PAFAH1B1: variants seen among roughly 807,000 people sequenced by gnomAD.
The protein encoded by PAFAH1B1 is platelet activating factor acetylhydrolase 1b regulatory subunit 1.
PAFAH1B1 carries 2 observed loss-of-function variants against 57.5 expected under a neutral mutation model. The observed-to-expected ratio is 0.03, with a 90% CI of 0.01 to 0.11. The LOEUF (loss-of-function observed/expected upper bound fraction) is 0.11, where lower values mean the gene tolerates loss of function less well. Among genes scored for constraint, PAFAH1B1 ranks in the 10% least tolerant of loss-of-function variants. The probability of loss-of-function intolerance (pLI) is 1.00; values close to 1 mark genes in which losing one functional copy is unlikely to be tolerated. For synonymous variants in PAFAH1B1, 152 were observed against 169.6 expected, an observed-to-expected ratio of 0.90 and a Z score of 0.81; for missense variants, 257 against 512.0, an observed-to-expected ratio of 0.50 and a Z score of 4.81.
chr17:2,680,086 A>C, intron 9 of PAFAH1B1, 78 bp from the exon 10 acceptor site: 1 of 1,253,664 alleles, frequency 8.0e-7, no homozygotes, highest in Non-Finnish European at 1.2e-6. Flanking sequence ...TGGTATGTAT[A>C]GTTTTATCGT....
intron 1 of PAFAH1B1, among the ~76,000 whole-genome samples, chr17:2,611,334 TG>T (rs1280678057): frequency 6.6e-6 from 1 of 151,732 alleles, no homozygotes; most frequent in Admixed American, 6.6e-5. Context: ...CGAGCATGGT[TG>T]TGTGCGCCTG....
In PAFAH1B1 at chr17:2,676,519, T is replaced by G. The variant is rs775210372; in HGVS notation, c.915T>G (p.Gly305=). ...EATGSETKKS[G]KPGPFLLSGS... is the part of the protein sequence containing the mutation. ...GTTTTCTGTAGACTAAAAAAAGTGG[T>G]AAACCTGGGCCATTCTTGCTGTCTG... Residue 305 remains glycine (G), a synonymous_variant, in exon 9 of 11, where the codon GGT becomes GGG. Coordinates refer to ENST00000397195, the MANE Select transcript of PAFAH1B1 (RefSeq NM_000430.4). The G allele has an allele frequency of 9.9e-6, 16 of 1,611,086 alleles. No homozygotes were observed. The highest frequency in any genetic ancestry group is 1.4e-5 in the Non-Finnish European group (16 of 1,177,666).
intron 1 of PAFAH1B1, among the ~76,000 whole-genome samples, chr17:2,636,115 G>GA (rs1170900781): frequency 1.3e-5 from 2 of 152,016 alleles, no homozygotes; most frequent in Non-Finnish European, 2.9e-5. Flanking sequence ...TCTCAAAAAA[G>GA]AAACAGTATG....
At chr17:2,672,211 G>A (rs1216484142) in intron 6 of PAFAH1B1, among the ~76,000 whole-genome samples, 1 of 137,700 alleles carries the variant, frequency 7.3e-6, no homozygotes, top group African/African-American at 2.7e-5. Flanking sequence ...TTGAGCCCAG[G>A]AGTTCAAGGC....
intron 6 of PAFAH1B1, among the ~76,000 whole-genome samples, chr17:2,671,461 C>G (rs1211258888): frequency 2.0e-5 from 3 of 152,000 alleles, no homozygotes; most frequent in Admixed American, 6.6e-5. Context: ...CCTCAGCCTC[C>G]CAAAGTGCTG....
Position 2,680,339 on chromosome 17 carries a change from G to C in PAFAH1B1, c.1159+19G>C. 6.2e-7 allele frequency: 1 copy of C among 1,611,320 alleles called. No homozygotes were observed. ...TCCTTGGGTATGTACGCCTCGCGAG[G>C]TCTCTGAACATTAGATTTTGGAGTG... On this transcript the variant is annotated intron_variant, in intron 10 of 10. Transcript: ENST00000397195.
chr17:2,618,448 A>C (rs1031315927), intron 1 of PAFAH1B1, among the ~76,000 whole-genome samples: 1 of 152,190 alleles, frequency 6.6e-6, no homozygotes, highest in Non-Finnish European at 1.5e-5. Flanking sequence ...GAAAGGAAAT[A>C]AAAAGATTGA....
intron 2 of PAFAH1B1, 104 bp downstream of exon 2, chr17:2,638,424 T>C: frequency 1.1e-6 from 1 of 895,672 alleles, no homozygotes; most frequent in Non-Finnish European, 1.8e-6. Context: ...TTAAAACTAT[T>C]TTTACCAGTG....
chr17:2,663,196 T>G (rs1327843392), intron 2 of PAFAH1B1, among the ~76,000 whole-genome samples: 3 of 152,032 alleles, frequency 2.0e-5, no homozygotes, highest in East Asian at 3.9e-4. Context: ...GAGAATGGTG[T>G]GAACCCAGGA....
At chr17:2,609,071 C>G (rs954643475) in intron 1 of PAFAH1B1, among the ~76,000 whole-genome samples, 4 of 152,222 alleles carry the variant, frequency 2.6e-5, no homozygotes, top group Non-Finnish European at 5.9e-5. Flanking sequence ...CATAAAGTCT[C>G]TATTTTCTGG....
At chr17:2,606,564 C>A (rs901076006) in intron 1 of PAFAH1B1, among the ~76,000 whole-genome samples, 1 of 151,784 alleles carries the variant, frequency 6.6e-6, no homozygotes, top group African/African-American at 2.4e-5. Flanking sequence ...GGTTTCACCA[C>A]GTTGGCCAGG....
rs571214671 is a variant in PAFAH1B1, at chr17:2,606,525, G to C, written c.-191+12519G>C. Among the ~76,000 whole-genome samples the C allele has an allele frequency of 4.0e-3, 612 of 152,070 alleles. 2 individuals are homozygous for C. The highest frequency in any genetic ancestry group is 0.013 in the African/African-American group (526 of 41,464). On this transcript the variant is annotated intron_variant, in intron 1 of 10. Transcript: ENST00000397195. Reference sequence around the variant, plus strand: ...TTATGGGTGCCTGCCACCAAGCCAAGCTAATTTTTGTATTTTTAGTAGAGA... The same window carrying C: ...TTATGGGTGCCTGCCACCAAGCCAACCTAATTTTTGTATTTTTAGTAGAGA...
At chr17:2,610,156 G>A (rs1453983691) in intron 1 of PAFAH1B1, among the ~76,000 whole-genome samples, 1 of 152,322 alleles carries the variant, frequency 6.6e-6, no homozygotes, top group East Asian at 1.9e-4. Context: ...CTTTGAAAAC[G>A]CAGTTCTATC....
intron 1 of PAFAH1B1, among the ~76,000 whole-genome samples, chr17:2,598,503 A>C (rs930116281): frequency 1.3e-5 from 2 of 151,780 alleles, no homozygotes; most frequent in Non-Finnish European, 2.9e-5. Context: ...CAGGTAACTT[A>C]TTTTTATGTG....
intron 2 of PAFAH1B1, among the ~76,000 whole-genome samples, chr17:2,650,815 G>A (rs1272470131): frequency 6.6e-6 from 1 of 152,052 alleles, no homozygotes; most frequent in Non-Finnish European, 1.5e-5. Flanking sequence ...TGTTCGGGGT[G>A]TTGCTACGTT....
At chr17:2,661,448 G>A (rs1284394094) in intron 2 of PAFAH1B1, among the ~76,000 whole-genome samples, 1 of 152,080 alleles carries the variant, frequency 6.6e-6, no homozygotes, top group Non-Finnish European at 1.5e-5. Context: ...TTTTTGTCAG[G>A]TTTGTTGAAG....
At chr17:2,593,185 A>C (rs927307407), upstream of PAFAH1B1, 14 of 150,988 alleles carry the variant, frequency 9.3e-5, no homozygotes, top group African/African-American at 3.4e-4. Flanking sequence ...TCCCCCCCAA[A>C]CTGGGAAATC....
chr17:2,664,872 C>T (rs2069083543), intron 2 of PAFAH1B1, among the ~76,000 whole-genome samples: 2 of 152,116 alleles, frequency 1.3e-5, no homozygotes, highest in South Asian at 2.1e-4. Context: ...TGTATGATTG[C>T]TTTTTTTCAC....
chr17:2,670,077 G>T (rs1290473437), intron 5 of PAFAH1B1, 86 bp from the exon 6 acceptor site: 1 of 1,041,026 alleles, frequency 9.6e-7, no homozygotes, highest in Non-Finnish European at 1.5e-6. Flanking sequence ...ACTCAGTAAG[G>T]TGCCAGACTG....
Sources: gnomAD v4.1 joint callset for allele counts (sites outside exome capture counted in the v4.1 genomes callset) on GRCh38, gnomAD v4.1.1 for gene constraint, MANE v1.5 for transcripts, NCBI Gene and HGNC (gene_info 2026-07-23, HGNC 2026-07-21) for gene names.